KLHL24: variants seen among roughly 807,000 people sequenced by gnomAD.
KLHL24 encodes the protein kelch-like protein 24.
KLHL24 carries 29 observed loss-of-function variants against 53.4 expected under a neutral mutation model. That is an observed-to-expected ratio of 0.54 (90% confidence interval 0.40 to 0.74). The LOEUF is 0.74. KLHL24 is among the 30% of genes least tolerant of loss of function. KLHL24 has a pLI of 0.00. For synonymous variants in KLHL24, 222 were observed against 253.7 expected, an observed-to-expected ratio of 0.88 and a Z score of 1.19; for missense variants, 504 against 744.0, an observed-to-expected ratio of 0.68 and a Z score of 3.75.
At position 183,671,150 on chromosome 3, in the gene KLHL24, T is replaced by G. The variant is rs762078524; in HGVS notation, c.1341T>G (p.Pro447=). 8 of 1,614,052 alleles carry G rather than the reference T, an allele frequency of 5.0e-6. No individual in the cohort carries two copies. The African/African-American group carries it at 9.3e-5, about 19-fold the overall frequency. Residue 447 remains proline, a synonymous_variant, in exon 6 of 8, where the codon CCT becomes CCG. Transcript: ENST00000242810. The stretch of plus-strand genomic sequence containing the variant: ...CCCTTAAGGAAGCCGTGAGTTCTCC[T>G]GCAGTGACTAGCTGTGTAGGCAAAC... ...VAPLKEAVSS[P]AVTSCVGKLF...
At chr3:183,660,194 C>T (rs1017218178) in intron 3 of KLHL24, among the ~76,000 whole-genome samples, 1 of 149,288 alleles carries the variant, frequency 6.7e-6, no homozygotes, top group African/African-American at 2.5e-5. Context: ...TGCAGTGGCA[C>T]GATCATGGCT....
rs1362661078 is a variant in KLHL24 at position 183,679,864 on chromosome 3, A to G, written c.*578A>G. ...TTCAGGCATCATAAAATACTGAACTATTGTGACTTTATTCTTAGAATTGCT... is the reference window on the plus strand; with the variant it reads ...TTCAGGCATCATAAAATACTGAACTGTTGTGACTTTATTCTTAGAATTGCT... On this transcript the variant is annotated 3_prime_UTR_variant, in exon 8 of 8. Coordinates refer to ENST00000242810, the MANE Select transcript of KLHL24 (RefSeq NM_017644.3). The G allele has an allele frequency of 2.6e-5, 4 of 152,338 alleles. No individual in the cohort carries two copies. Among genetic ancestry groups the G allele is most frequent in the Non-Finnish European group, 5.9e-5 (4 of 68,148 alleles). The allele number at this position is 152,338 out of a possible 1,614,324, so 9.4% of individuals were successfully genotyped here. A position where few individuals can be genotyped will look rare whatever the true frequency, so the allele number is the denominator to read the frequency against.
chr3:183,665,129 A>G (rs1720348385), intron 5 of KLHL24, 90 bp downstream of exon 5: 1 of 698,870 alleles, frequency 1.4e-6, no homozygotes, highest in Non-Finnish European at 2.5e-6. Context: ...CCCTCTGGGT[A>G]TTTTGGATTC....
At chr3:183,644,816 T>G (rs1260323670) in intron 2 of KLHL24, among the ~76,000 whole-genome samples, 1 of 152,236 alleles carries the variant, frequency 6.6e-6, no homozygotes, top group Admixed American at 6.5e-5. Context: ...AAGTATACTT[T>G]TATATTTGTT....
chr3:183,676,383 A>C (rs1044104079), intron 7 of KLHL24, among the ~76,000 whole-genome samples: 2 of 152,258 alleles, frequency 1.3e-5, no homozygotes, highest in Non-Finnish European at 2.9e-5. Context: ...GGCATGAGCC[A>C]CGGCACCTGG....
Position 183,670,052 on chromosome 3 carries a change from C to T in KLHL24, c.1225-982C>T, listed in dbSNP as rs116747701. 6.0e-4 allele frequency among the ~76,000 whole-genome samples: 92 copies of T among 152,086 alleles called. 1 individual carries two copies. The highest frequency in any genetic ancestry group is 1.7e-3 in the African/African-American group (71 of 41,498). Reference sequence around the variant, plus strand: ...TGAGAGTGGGAGAATGGCTTGAGGCCGAGAGTTAGAGACCAGCCTGGGCAA... The same window carrying T: ...TGAGAGTGGGAGAATGGCTTGAGGCTGAGAGTTAGAGACCAGCCTGGGCAA... On this transcript the variant is annotated intron_variant, in intron 5 of 7. Coordinates refer to ENST00000242810, the MANE Select transcript of KLHL24 (RefSeq NM_017644.3).
chr3:183,636,827 A>AGGCGCGCGCTCCCGCCCCTGCTGCGGGC (rs1715328480), intron 1 of KLHL24: 1 of 146,206 alleles, frequency 6.8e-6, no homozygotes, highest in African/African-American at 2.6e-5. Flanking sequence ...CGGGTGCGGG[A>AGGCGCGCGCTCCCGCCCCTGCTGCGGGC]GGCGCGCGCT....
rs546864781 is a variant in KLHL24 at position 183,683,447 on chromosome 3, C to T, written c.*4161C>T. The T allele has an allele frequency of 3.3e-5, 5 of 152,676 alleles. No individual in the cohort carries two copies. In the South Asian group the frequency reaches 8.3e-4, roughly 25 times the overall value. 9.5% of individuals were successfully genotyped at this position (152,676 alleles called of 1,614,324 possible). A position where few individuals can be genotyped will look rare whatever the true frequency, so the allele number is the denominator to read the frequency against. On this transcript the variant is annotated 3_prime_UTR_variant, in exon 8 of 8. Transcript: ENST00000242810. ...TATTCTTTTTAGTTAAATAAATTTACCATGCCAAGTAACCAGAATGGAGCA... is the reference window on the plus strand; with the variant it reads ...TATTCTTTTTAGTTAAATAAATTTATCATGCCAAGTAACCAGAATGGAGCA...
At chr3:183,641,324 C>T (rs1350275636) in intron 1 of KLHL24, among the ~76,000 whole-genome samples, 2 of 151,996 alleles carry the variant, frequency 1.3e-5, no homozygotes, top group East Asian at 3.9e-4. Context: ...GAAACCCCGT[C>T]TCTACTAAAA....
chr3:183,651,116 CAT>C lies in KLHL24; in HGVS notation c.761_762del (p.His254ArgfsTer16). On this transcript the variant is annotated frameshift_variant, in exon 3 of 8. Transcript: ENST00000242810. LOFTEE classifies it high-confidence loss of function. ...ACCACTGTTACACGAGCTCCTGACA[CAT>C]GTGAGACTCCCTCTGTTGCATCCCA... ...RRPLLHELLT[H>X]VRLPLLHPNY... 2.5e-6 allele frequency: 4 copies of C among 1,614,190 alleles called. No homozygotes were observed. Among genetic ancestry groups the C allele is most frequent in the Non-Finnish European group, 3.4e-6 (4 of 1,180,030 alleles).
At chr3:183,660,378 C>T (rs1399068830) in intron 3 of KLHL24, among the ~76,000 whole-genome samples, 1 of 151,922 alleles carries the variant, frequency 6.6e-6, no homozygotes, top group Non-Finnish European at 1.5e-5. Flanking sequence ...TGATCCTCCC[C>T]CTGTTTTAGC....
At chr3:183,655,367 C>T (rs1394518926) in intron 3 of KLHL24, among the ~76,000 whole-genome samples, 1 of 152,178 alleles carries the variant, frequency 6.6e-6, no homozygotes, top group Non-Finnish European at 1.5e-5. Flanking sequence ...TAGCTCACAC[C>T]TGTAATCAAG....
chr3:183,665,046 G>T lies in KLHL24; in HGVS notation c.1224+7G>T, dbSNP rs202012302. 64 of 1,446,944 alleles carry T rather than the reference G, an allele frequency of 4.4e-5. No individual in the cohort carries two copies. The African/African-American group carries it at 7.2e-4, about 16-fold the overall frequency. The allele number at this position is 1,446,944 out of a possible 1,614,324, so 89.6% of individuals were successfully genotyped here. On this transcript the variant is annotated splice_region_variant and intron_variant, in intron 5 of 7. Transcript: ENST00000242810. The stretch of plus-strand genomic sequence containing the variant: ...GGCTGTCCTCCTTGGTAAAGTAAGA[G>T]AAACCACTTTTTATTACTATTGCTG...
chr3:183,655,791 G>C (rs1576921684), intron 3 of KLHL24, among the ~76,000 whole-genome samples: 1 of 151,950 alleles, frequency 6.6e-6, no homozygotes, highest in Non-Finnish European at 1.5e-5. Flanking sequence ...ACATGGTGGA[G>C]CGTGCCTGTA....
At chr3:183,662,539 A>G (rs1719955406) in intron 3 of KLHL24, among the ~76,000 whole-genome samples, 1 of 152,198 alleles carries the variant, frequency 6.6e-6, no homozygotes, top group Admixed American at 6.5e-5. Context: ...AGAATTTTAA[A>G]ATTCCTAAAC....
At chr3:183,643,797 A>G (rs1267554470) in intron 2 of KLHL24, among the ~76,000 whole-genome samples, 2 of 152,136 alleles carry the variant, frequency 1.3e-5, no homozygotes, top group Admixed American at 1.3e-4. Flanking sequence ...ACTTTAAGTC[A>G]TTATGTTTGT....
At position 183,663,317 on chromosome 3, in the gene KLHL24, C is replaced by T. The variant is rs970319131; in HGVS notation, c.921-141C>T. 8 of 398,572 alleles carry T rather than the reference C, an allele frequency of 2.0e-5. No homozygotes were observed. Among genetic ancestry groups the T allele is most frequent in the South Asian group, 1.3e-4 (1 of 7,824 alleles). The allele number at this position is 398,572 out of a possible 1,614,324, so 24.7% of individuals were successfully genotyped here. On this transcript the variant is annotated intron_variant, in intron 3 of 7. Coordinates refer to ENST00000242810, the MANE Select transcript of KLHL24 (RefSeq NM_017644.3). The surrounding 1 kb of genome is among the most constrained non-coding windows in gnomAD (Gnocchi z 4.9). The stretch of plus-strand genomic sequence containing the variant: ...AAAGTAAGTAATTTCCAGGCTGTAC[C>T]GTTTGGCACATGCACAGAGAAGAAA...
intron 3 of KLHL24, among the ~76,000 whole-genome samples, chr3:183,652,451 T>TA (rs1718253785): frequency 6.6e-6 from 1 of 152,140 alleles, no homozygotes; most frequent in African/African-American, 2.4e-5. Context: ...TTAATTGTGG[T>TA]AAAAAACACA....
rs1413133764 is a variant in KLHL24 at position 183,651,082 on chromosome 3, T to G, written c.726T>G (p.Asp242Glu). 2 of 1,614,096 alleles carry G rather than the reference T, an allele frequency of 1.2e-6. No homozygotes were observed. The highest frequency in any genetic ancestry group is 1.7e-6 in the Non-Finnish European group (2 of 1,180,032). ...AVMRWVYRAV[D>E]LRRPLLHELL... ...TGCGTTGGGTCTATCGTGCCGTTGA[T>G]CTGAGAAGACCACTGTTACACGAGC... The change falls in exon 3 of 8, where the codon GAT becomes GAG. Residue 242 changes from aspartate to glutamate, a missense_variant. By Grantham distance (45) the Asp-to-Glu change is conservative. Coordinates refer to ENST00000242810, the MANE Select transcript of KLHL24 (RefSeq NM_017644.3).
Sources: allele counts gnomAD v4.1 joint callset (sites outside exome capture counted in the v4.1 genomes callset), GRCh38; gene constraint gnomAD v4.1.1; non-coding constraint Gnocchi (gnomAD v3.1); transcripts MANE v1.5; gene names NCBI Gene and HGNC (gene_info 2026-07-23, HGNC 2026-07-21).